Variants in MINAR2 observed in about 807,000 individuals in gnomAD.
MINAR2 encodes membrane integral NOTCH2 associated receptor 2, also known as major intrinsically disordered NOTCH2-binding receptor 1-like.
MINAR2 carries 21 observed loss-of-function variants against 16.1 expected under a neutral mutation model. That is an observed-to-expected ratio of 1.31 (90% CI 0.93 to 1.88). The LOEUF is 1.88. Among genes scored for constraint, MINAR2 ranks in the 40% most tolerant of loss-of-function variants. The pLI is 0.00. For missense variants in MINAR2, 259 were observed against 229.8 expected (o/e 1.13, Z -0.82); for synonymous variants, 86 against 83.0 (o/e 1.04, Z -0.20).
rs1758192614 is a variant in MINAR2, at chr5:129,765,057, C to T, written c.567C>T (p.Phe189=). The stretch of plus-strand genomic sequence containing the variant: ...CCATAGTGACTATCATTACTTTTTT[C>T]ACCTGAGGAAACTGCAACAATCAGA... ...LVTIVTIITF[F]T is the part of the protein sequence containing the mutation. The change falls in exon 3 of 3, where the codon TTC becomes TTT. Residue 189 remains phenylalanine, a synonymous_variant. Coordinates refer to ENST00000564719, the MANE Select transcript of MINAR2 (RefSeq NM_001257308.2). The T allele has an allele frequency of 1.6e-6, 2 of 1,288,300 alleles. No individual in the cohort carries two copies. The highest frequency in any genetic ancestry group is 9.9e-7 in the Non-Finnish European group (1 of 1,014,780). 79.8% of individuals were successfully genotyped at this position (1,288,300 alleles called of 1,614,324 possible).
intron 1 of MINAR2, among the ~76,000 whole-genome samples, chr5:129,754,691 A>G (rs1015606734): frequency 1.2e-4 from 18 of 152,152 alleles, no homozygotes; most frequent in African/African-American, 3.9e-4. Context: ...ATGTTTTATA[A>G]TAGAGCATTA....
chr5:129,754,473 A>G (rs1758030738), intron 1 of MINAR2, among the ~76,000 whole-genome samples: 1 of 152,348 alleles, frequency 6.6e-6, no homozygotes, highest in East Asian at 1.9e-4. Flanking sequence ...CACTGAATGC[A>G]TAGATCAAAA....
At chr5:129,764,171 C>T (rs1758175966) in intron 2 of MINAR2, among the ~76,000 whole-genome samples, 1 of 152,076 alleles carries the variant, frequency 6.6e-6, no homozygotes, top group South Asian at 2.1e-4. Flanking sequence ...CTTGATAATT[C>T]TATGGGCCTG....
At chr5:129,757,861 GTTT>G (rs1277855546) in intron 1 of MINAR2, among the ~76,000 whole-genome samples, 1 of 151,752 alleles carries the variant, frequency 6.6e-6, no homozygotes, top group Non-Finnish European at 1.5e-5. Context: ...ACATTTATCA[GTTT>G]TTTTGCTTTC....
intron 1 of MINAR2, among the ~76,000 whole-genome samples, chr5:129,748,789 C>G (rs1757949792): frequency 6.6e-6 from 1 of 152,110 alleles, no homozygotes. Flanking sequence ...CTTGCTTCTG[C>G]CTCCCTTAGA....
At chr5:129,749,586 A>G (rs1235338200) in intron 1 of MINAR2, among the ~76,000 whole-genome samples, 2 of 152,098 alleles carry the variant, frequency 1.3e-5, no homozygotes, top group African/African-American at 4.8e-5. Context: ...TAAGTTTTAA[A>G]TGAAATGAAA....
intron 1 of MINAR2, among the ~76,000 whole-genome samples, chr5:129,756,154 G>C (rs1758051628): frequency 6.6e-6 from 1 of 151,968 alleles, no homozygotes; most frequent in South Asian, 2.1e-4. Context: ...TGGTCGAAAA[G>C]CATGGTCCAA....
At chr5:129,753,607 G>C (rs1758014864) in intron 1 of MINAR2, among the ~76,000 whole-genome samples, 1 of 151,362 alleles carries the variant, frequency 6.6e-6, no homozygotes, top group African/African-American at 2.4e-5. Context: ...CAAAAAATTA[G>C]CTGGACTTGC....
intron 1 of MINAR2, among the ~76,000 whole-genome samples, chr5:129,753,808 A>G (rs932848135): frequency 6.6e-6 from 1 of 151,760 alleles, no homozygotes; most frequent in Non-Finnish European, 1.5e-5. Flanking sequence ...AGAGAAAGGA[A>G]GGAAGGAAGG....
At chr5:129,762,624 A>G (rs2149547004) in intron 2 of MINAR2, 2 of 309,890 alleles carry the variant, frequency 6.5e-6, no homozygotes, top group South Asian at 4.1e-5. Context: ...AGGTTTTCTG[A>G]TAATCCCATG....
At position 129,766,652 on chromosome 5, in the gene MINAR2, AAAAACAAACAAACAAAC is replaced by A. The variant is rs1261786179; in HGVS notation, c.*1594_*1610del. 1 of 126,110 alleles carries A rather than the reference AAAAACAAACAAACAAAC, an allele frequency of 7.9e-6. No homozygotes were observed. The highest frequency in any genetic ancestry group is 2.8e-5 in the African/African-American group (1 of 35,884). The allele number at this position is 126,110 out of a possible 1,614,324, so 7.8% of individuals were successfully genotyped here. Reference sequence around the variant, plus strand: ...ACTTCCATAAAAAAAAAAAAAAAAAAAAAACAAACAAACAAACAAAAAAAACCCCAAAAAAAGAGACA... The same window carrying A: ...ACTTCCATAAAAAAAAAAAAAAAAAAAAAAAAAACCCCAAAAAAAGAGACA... On this transcript the variant is annotated 3_prime_UTR_variant, in exon 3 of 3. Transcript: ENST00000564719.
chr5:129,763,565 C>T (rs887032959), intron 2 of MINAR2, among the ~76,000 whole-genome samples: 12 of 152,294 alleles, frequency 7.9e-5, no homozygotes, highest in African/African-American at 2.6e-4. Flanking sequence ...AGAACAGAGG[C>T]ATTAAACTTA....
rs1581295298 is a variant in MINAR2, at chr5:129,765,244, T to C, written c.*181T>C. ...GAATGTCAGGCGTGGTATGCTGGCT[T>C]CTCCACTTTGTTCTATAAAAGCTTT... On this transcript the variant is annotated 3_prime_UTR_variant, in exon 3 of 3. Coordinates refer to ENST00000564719, the MANE Select transcript of MINAR2 (RefSeq NM_001257308.2). The C allele has an allele frequency of 2.4e-6, 1 of 408,684 alleles. No individual in the cohort carries two copies. Among genetic ancestry groups the C allele is most frequent in the Non-Finnish European group, 4.2e-6 (1 of 237,598 alleles). The allele number at this position is 408,684 out of a possible 1,614,324, so 25.3% of individuals were successfully genotyped here.
At chr5:129,749,267 C>G (rs1484306753) in intron 1 of MINAR2, among the ~76,000 whole-genome samples, 5 of 152,238 alleles carry the variant, frequency 3.3e-5, no homozygotes, top group African/African-American at 1.2e-4. Context: ...ATTCCCTGAA[C>G]AGAAATTTGT....
chr5:129,748,905 A>G lies in MINAR2; in HGVS notation c.165+550A>G, dbSNP rs141910018. On this transcript the variant is annotated intron_variant, in intron 1 of 2. Coordinates refer to ENST00000564719, the MANE Select transcript of MINAR2 (RefSeq NM_001257308.2). ...CGAACTCGCCACTTGAAAAAGTGCT[A>G]GCTATTACTGTAGATACTCTTATTT... 4.4e-3 allele frequency among the ~76,000 whole-genome samples: 666 copies of G among 152,294 alleles called. 5 individuals are homozygous for G. The highest frequency in any genetic ancestry group is 0.016 in the African/African-American group (647 of 41,570).
Position 129,753,818 on chromosome 5 carries a change from G to GA in MINAR2, c.165+5464dup, listed in dbSNP as rs1454294141. Among the ~76,000 whole-genome samples the GA allele has an allele frequency of 2.0e-5, 3 of 148,600 alleles. No homozygotes were observed. The Admixed American group carries it at 2.0e-4, about 10-fold the overall frequency. On this transcript the variant is annotated intron_variant, in intron 1 of 2. Coordinates refer to ENST00000564719, the MANE Select transcript of MINAR2 (RefSeq NM_001257308.2). ...GAGACAGAGAAAGGAAGGAAGGAAG[G>GA]AGAAGAAGAAAAAGAGAAAGAAAGA...
chr5:129,755,075 G>T (rs1262850261), intron 1 of MINAR2, among the ~76,000 whole-genome samples: 2 of 151,976 alleles, frequency 1.3e-5, no homozygotes, highest in Admixed American at 1.3e-4. Flanking sequence ...TGAATATTTT[G>T]AAAGTCTTTT....
Position 129,764,990 on chromosome 5 carries a change from G to A in MINAR2, c.500G>A (p.Arg167His), listed in dbSNP as rs777994154. ...CAAGAGAAGCATTCAAAATTCTGTC[G>A]TATGGGTCTGATTTTACTTGTCGTT... ...EKQEKHSKFC[R>H]MGLILLVVIS... The change falls in exon 3 of 3, where the codon CGT becomes CAT. Residue 167 changes from arginine (R) to histidine (H), a missense_variant. Arg to His is a conservative substitution (Grantham distance 29). Coordinates refer to ENST00000564719, the MANE Select transcript of MINAR2 (RefSeq NM_001257308.2). 3.1e-5 allele frequency: 43 copies of A among 1,392,676 alleles called. No individual in the cohort carries two copies. Among genetic ancestry groups the A allele is most frequent in the African/African-American group, 7.3e-5 (5 of 68,694 alleles). 86.3% of individuals were successfully genotyped at this position (1,392,676 alleles called of 1,614,324 possible).
At chr5:129,750,881 A>G (rs1031458224) in intron 1 of MINAR2, among the ~76,000 whole-genome samples, 3 of 150,362 alleles carry the variant, frequency 2.0e-5, no homozygotes, top group Admixed American at 6.6e-5. Context: ...ACCAAGCAGT[A>G]GATATAATAC....
Sources: allele counts gnomAD v4.1 joint callset (sites outside exome capture counted in the v4.1 genomes callset), GRCh38; gene constraint gnomAD v4.1.1; transcripts MANE v1.5; gene names NCBI Gene and HGNC (gene_info 2026-07-23, HGNC 2026-07-21).